The following GK5 variants were observed in gnomAD, a reference collection of about 807,000 sequenced individuals.
GK5 encodes glycerol kinase 5, also known as ATP:glycerol 3-phosphotransferase 5.
In GK5, 39 loss-of-function variants were observed where a neutral mutation model predicts 77.3. The ratio of observed to expected loss-of-function variants is 0.50; its 90% confidence interval spans 0.39 to 0.66. The LOEUF is 0.66. GK5 is among the 30% of genes least tolerant of loss of function. The pLI is 0.00. For missense variants in GK5, 487 were observed against 633.8 expected, an observed-to-expected ratio of 0.77 and a Z score of 2.49; for synonymous variants, 211 against 208.0, an observed-to-expected ratio of 1.01 and a Z score of -0.13.
At chr3:142,195,592 T>C (rs917407152) in intron 5 of GK5, among the ~76,000 whole-genome samples, 4 of 152,234 alleles carry the variant, frequency 2.6e-5, no homozygotes, top group African/African-American at 9.6e-5. Context: ...GCTCAAGCAA[T>C]ACTCTTGCCT....
chr3:142,220,216 C>T (rs1241516859), intron 1 of GK5, among the ~76,000 whole-genome samples: 1 of 152,184 alleles, frequency 6.6e-6, no homozygotes, highest in Non-Finnish European at 1.5e-5. Flanking sequence ...CAGCTCACTG[C>T]AAGCTCCACC....
At chr3:142,225,212 G>T in intron 1 of GK5, 97 bp downstream of exon 1, 1 of 1,310,048 alleles carries the variant, frequency 7.6e-7, no homozygotes. Flanking sequence ...CGCGTCCAGG[G>T]CGGTAGGTGG....
Position 142,170,309 on chromosome 3 carries a change from T to TA in GK5, c.1441+15dup. ...GTTTGCAAGAAAACTCTCATTCTTATAAATTTCACACATACCAACAGCAAG... is the reference window on the plus strand; with the variant it reads ...GTTTGCAAGAAAACTCTCATTCTTATAAAATTTCACACATACCAACAGCAAG... On this transcript the variant is annotated intron_variant, in intron 15 of 15. Transcript: ENST00000392993. The TA allele has an allele frequency of 6.2e-7, 1 of 1,613,488 alleles. No homozygotes were observed. The highest frequency in any genetic ancestry group is 8.5e-7 in the Non-Finnish European group (1 of 1,179,486).
At chr3:142,212,959 C>T (rs1245003877) in intron 3 of GK5, among the ~76,000 whole-genome samples, 6 of 151,416 alleles carry the variant, frequency 4.0e-5, no homozygotes, top group African/African-American at 9.7e-5. Context: ...CTCAGCCTCC[C>T]GAGTAGCTGG....
At chr3:142,223,215 A>G (rs2064378378) in intron 1 of GK5, among the ~76,000 whole-genome samples, 1 of 152,224 alleles carries the variant, frequency 6.6e-6, no homozygotes, top group Non-Finnish European at 1.5e-5. Context: ...TTAACTGTGA[A>G]ACTTTGCATT....
At chr3:142,185,782 A>G (rs2063761911) in intron 9 of GK5, 147 bp downstream of exon 9, 2 of 1,554,652 alleles carry the variant, frequency 1.3e-6, no homozygotes, top group African/African-American at 2.7e-5. Flanking sequence ...GGTCATATCC[A>G]GGGACCTTTA....
At chr3:142,220,992 G>A (rs1428392027) in intron 1 of GK5, among the ~76,000 whole-genome samples, 1 of 152,160 alleles carries the variant, frequency 6.6e-6, no homozygotes, top group Non-Finnish European at 1.5e-5. Flanking sequence ...CCAGAGTTCT[G>A]TACTTGCAAA....
intron 11 of GK5, among the ~76,000 whole-genome samples, chr3:142,181,253 ATTCTTT>A (rs1422012386): frequency 6.6e-6 from 1 of 152,192 alleles, no homozygotes; most frequent in Non-Finnish European, 1.5e-5. Context: ...TAAACTTATT[ATTCTTT>A]TTCTTTATGG....
Position 142,198,915 on chromosome 3 carries a change from G to A in GK5, c.430C>T (p.Arg144Ter), listed in dbSNP as rs772711539. 7 of 1,610,454 alleles carry A rather than the reference G, an allele frequency of 4.3e-6. No homozygotes were observed. The highest frequency in any genetic ancestry group is 1.1e-5 in the South Asian group (1 of 90,478). ...LLMKIFHSSCRVLHFFTRSKR... is the reference protein window; with the variant it reads ...LLMKIFHSSC ...CTTCTAGTGAAAAAGTGAAGCACTC[G>A]GCAAGAACTGTGAAATATCTATATT... is the stretch of plus-strand genomic sequence containing the variant. Residue 144 changes from arginine (R) to a stop codon, truncating the protein, a stop_gained, in exon 5 of 16, where the codon CGA becomes TGA. Coordinates refer to ENST00000392993, the MANE Select transcript of GK5 (RefSeq NM_001039547.3). LOFTEE classifies it high-confidence loss of function.
chr3:142,204,702 A>T lies in GK5; in HGVS notation c.404T>A (p.Leu135His). 2 of 1,513,732 alleles carry T rather than the reference A, an allele frequency of 1.3e-6. No homozygotes were observed. The highest frequency in any genetic ancestry group is 1.8e-6 in the Non-Finnish European group (2 of 1,090,570). 93.8% of individuals were successfully genotyped at this position (1,513,732 alleles called of 1,614,324 possible). A position where few individuals can be genotyped will look rare whatever the true frequency, so the allele number is the denominator to read the frequency against. The change falls in exon 4 of 16, where the codon CTT becomes CAT. Residue 135 changes from leucine (L) to histidine (H), a missense_variant. Coordinates refer to ENST00000392993, the MANE Select transcript of GK5 (RefSeq NM_001039547.3). ...ACACAAGAAAAAGATTACCTTCATA[A>T]GAAGAGAATTATTCCAAGATTTTAC... ...ELVKSWNNSL[L>H]MKIFHSSCRV...
rs773359389 is a variant in GK5 at position 142,172,438 on chromosome 3, A to G, written c.1162T>C (p.Trp388Arg). ...SGLQAPLNDP[W>R]ACASFMGLKP... ...AAACCCATAAAAGAGGCACATGCCC[A>G]GGGGTCATTTAATGGAGCCTACAGT... is the stretch of plus-strand genomic sequence containing the variant. Residue 388 changes from tryptophan (W) to arginine (R), a missense_variant, in exon 13 of 16, where the codon TGG becomes CGG. Transcript: ENST00000392993. 1 of 1,595,652 alleles carries G rather than the reference A, an allele frequency of 6.3e-7. No homozygotes were observed. Among genetic ancestry groups the G allele is most frequent in the South Asian group, 1.1e-5 (1 of 88,758 alleles).
intron 12 of GK5, among the ~76,000 whole-genome samples, chr3:142,175,524 C>T (rs1418893868): frequency 6.6e-6 from 1 of 152,218 alleles, no homozygotes; most frequent in African/African-American, 2.4e-5. Context: ...CCCTCATTTT[C>T]TCTAGTTGTT....
In GK5 at chr3:142,165,560, C is replaced by T. The variant is rs1014891513; in HGVS notation, c.*62G>A. 1.6e-6 allele frequency: 2 copies of T among 1,273,144 alleles called. No homozygotes were observed. Among genetic ancestry groups the T allele is most frequent in the Non-Finnish European group, 2.2e-6 (2 of 928,402 alleles). The allele number at this position is 1,273,144 out of a possible 1,614,324, so 78.9% of individuals were successfully genotyped here. On this transcript the variant is annotated 3_prime_UTR_variant, in exon 16 of 16. Transcript: ENST00000392993. ...CATTGTCATATGGGTTATCCCTGAG[C>T]TTCATCTCATCTGCACGTCACATAA...
intron 1 of GK5, among the ~76,000 whole-genome samples, chr3:142,223,924 C>A (rs1429730877): frequency 6.6e-6 from 1 of 152,258 alleles, no homozygotes; most frequent in African/African-American, 2.4e-5. Flanking sequence ...CACTGGCACT[C>A]TAGCTGGACC....
chr3:142,165,536 A>C lies in GK5; in HGVS notation c.*86T>G. 1 of 950,746 alleles carries C rather than the reference A, an allele frequency of 1.1e-6. No homozygotes were observed. Among genetic ancestry groups the C allele is most frequent in the South Asian group, 2.8e-5 (1 of 35,160 alleles). The allele number at this position is 950,746 out of a possible 1,614,324, so 58.9% of individuals were successfully genotyped here. On this transcript the variant is annotated 3_prime_UTR_variant, in exon 16 of 16. Coordinates refer to ENST00000392993, the MANE Select transcript of GK5 (RefSeq NM_001039547.3). ...TATTTAAAATTTTCTCCTCTTAGTC[A>C]TTGTCATATGGGTTATCCCTGAGCT...
At chr3:142,200,368 A>G (rs751300262) in intron 4 of GK5, among the ~76,000 whole-genome samples, 1 of 152,160 alleles carries the variant, frequency 6.6e-6, no homozygotes, top group Non-Finnish European at 1.5e-5. Context: ...GGGTTTCACC[A>G]TGTTGGCCAG....
chr3:142,199,202 CA>C (rs2063981964), intron 4 of GK5, among the ~76,000 whole-genome samples: 1 of 151,664 alleles, frequency 6.6e-6, no homozygotes, highest in South Asian at 2.1e-4. Flanking sequence ...TAAAAAAAAA[CA>C]ACTATATTTT....
chr3:142,185,118 A>C, intron 9 of GK5: 2 of 985,432 alleles, frequency 2.0e-6, no homozygotes, highest in Non-Finnish European at 2.4e-6. Context: ...AGGACTCTTA[A>C]AAATCAAAAA....
At position 142,164,359 on chromosome 3, in the gene GK5, G is replaced by A. The variant is rs964772163; in HGVS notation, c.*1263C>T. The A allele has an allele frequency of 2.0e-5, 3 of 152,122 alleles. No homozygotes were observed. The highest frequency in any genetic ancestry group is 7.2e-5 in the African/African-American group (3 of 41,402). 9.4% of individuals were successfully genotyped at this position (152,122 alleles called of 1,614,324 possible). On this transcript the variant is annotated 3_prime_UTR_variant, in exon 16 of 16. Coordinates refer to ENST00000392993, the MANE Select transcript of GK5 (RefSeq NM_001039547.3). ...AGTCATTATTGCTGCAAATCCAAAT[G>A]GAACCTAACCCAAATGTAGGGAGGG...
Sources: allele counts gnomAD v4.1 joint callset (sites outside exome capture counted in the v4.1 genomes callset), GRCh38; gene constraint gnomAD v4.1.1; transcripts MANE v1.5; gene names NCBI Gene and HGNC (gene_info 2026-07-23, HGNC 2026-07-21).